Variants in RIN2 observed in about 807,000 individuals in gnomAD.
RIN2 encodes the protein Ras and Rab interactor 2.
Under a neutral mutation model 78.0 loss-of-function variants are expected in RIN2, and 36 were observed. The observed-to-expected ratio is 0.46, with a 90% CI of 0.35 to 0.61. The LOEUF (loss-of-function observed/expected upper bound fraction) is 0.61. Ranked by LOEUF, RIN2 falls within the 20% of genes least tolerant of loss-of-function variation. RIN2 has a pLI of 0.00. For synonymous variants in RIN2, 466 were observed against 466.8 expected (o/e 1.00, Z 0.02); for missense variants, 1,087 against 1,159.7 (o/e 0.94, Z 0.91).
chr20:19,880,274 C>G (rs760657497), intron 2 of RIN2, among the ~76,000 whole-genome samples: 1 of 149,748 alleles, frequency 6.7e-6, no homozygotes, highest in Non-Finnish European at 1.5e-5. Flanking sequence ...AAAAAAATTT[C>G]CAGCATGTTT....
At chr20:19,781,187 C>T (rs2034490743) in intron 1 of RIN2, among the ~76,000 whole-genome samples, 2 of 152,208 alleles carry the variant, frequency 1.3e-5, no homozygotes, top group African/African-American at 4.8e-5. Context: ...GCATATGTCA[C>T]TTCCATCCAT....
intron 1 of RIN2, among the ~76,000 whole-genome samples, chr20:19,768,025 A>G (rs2033962965): frequency 6.6e-6 from 1 of 152,026 alleles, no homozygotes; most frequent in Non-Finnish European, 1.5e-5. Context: ...GAGGGAGGCA[A>G]GAACTGTACC....
intron 1 of RIN2, among the ~76,000 whole-genome samples, chr20:19,780,726 TTCTGGGCAAACTAA>T (rs2034472662): frequency 1.3e-5 from 2 of 152,328 alleles, no homozygotes; most frequent in Admixed American, 6.5e-5. Context: ...AGCTGGGGAT[TTCTGGGCAAACTAA>T]TTAACCTCTC....
At chr20:19,840,803 CAG>C (rs1335450590) in intron 2 of RIN2, among the ~76,000 whole-genome samples, 1 of 152,178 alleles carries the variant, frequency 6.6e-6, no homozygotes, top group Non-Finnish European at 1.5e-5. Flanking sequence ...TCATTATGCT[CAG>C]AGTTATCCAG....
At position 20,000,737 on chromosome 20, in the gene RIN2, A is replaced by T; in HGVS notation, c.2489A>T (p.Asp830Val). 6.2e-7 allele frequency: 1 copy of T among 1,612,928 alleles called. No homozygotes were observed. Among genetic ancestry groups the T allele is most frequent in the Non-Finnish European group, 8.5e-7 (1 of 1,179,680 alleles). Residue 830 changes from aspartate (D) to valine (V), a missense_variant, in exon 13 of 13, where the codon GAC becomes GTC. This residue lies in a region of RIN2 where 160 missense variants were observed against 179.4 expected (regional missense o/e 0.89). Coordinates refer to ENST00000255006, the MANE Select transcript of RIN2 (RefSeq NM_018993.4). ...QICAEKFKVG[D>V]PEEYSLFLFV... The stretch of plus-strand genomic sequence containing the variant: ...TGCGCTGAGAAGTTCAAGGTGGGGG[A>T]CCCTGAGGAGTACAGCCTCTTTCTC...
At chr20:19,777,339 G>T (rs1209335972) in intron 1 of RIN2, among the ~76,000 whole-genome samples, 1 of 152,238 alleles carries the variant, frequency 6.6e-6, no homozygotes, top group Non-Finnish European at 1.5e-5. Flanking sequence ...TTGGAGCAGG[G>T]TCCCACCTAT....
At chr20:19,951,132 G>T (rs1040610405) in intron 4 of RIN2, among the ~76,000 whole-genome samples, 1 of 152,012 alleles carries the variant, frequency 6.6e-6, no homozygotes, top group Non-Finnish European at 1.5e-5. Flanking sequence ...GAGGTCAAGC[G>T]ATCCATACAC....
intron 2 of RIN2, among the ~76,000 whole-genome samples, chr20:19,827,810 CTTTT>C (rs34007899): frequency 1.4e-5 from 2 of 138,390 alleles, no homozygotes; most frequent in Non-Finnish European, 1.6e-5. Flanking sequence ...TTCTTTTTTT[CTTTT>C]TTTTTTTTTT....
At chr20:19,931,709 C>CTTTTTTT (rs57734791) in intron 3 of RIN2, among the ~76,000 whole-genome samples, 2 of 128,130 alleles carry the variant, frequency 1.6e-5, no homozygotes, top group African/African-American at 3.0e-5. Flanking sequence ...CTCGATTTGC[C>CTTTTTTT]TTTTTTTTTT....
intron 2 of RIN2, among the ~76,000 whole-genome samples, chr20:19,828,147 G>A (rs1211864006): frequency 6.6e-6 from 1 of 152,108 alleles, no homozygotes; most frequent in East Asian, 1.9e-4. Flanking sequence ...GGGAACGAGG[G>A]CACTTTTTAT....
chr20:19,770,583 G>A (rs1600409450), intron 1 of RIN2, among the ~76,000 whole-genome samples: 1 of 151,932 alleles, frequency 6.6e-6, no homozygotes, highest in Admixed American at 6.6e-5. Context: ...AGCTGCTTCC[G>A]CTCAGTCACC....
At chr20:19,882,205 A>T (rs2038045867) in intron 2 of RIN2, among the ~76,000 whole-genome samples, 1 of 152,216 alleles carries the variant, frequency 6.6e-6, no homozygotes, top group Non-Finnish European at 1.5e-5. Context: ...CAAAATTCGG[A>T]CATTCCAAAT....
At chr20:19,937,720 T>C (rs150090531) in intron 4 of RIN2, among the ~76,000 whole-genome samples, 236 of 152,364 alleles carry the variant, frequency 1.5e-3, no homozygotes, top group African/African-American at 5.1e-3. Flanking sequence ...TGAAGTCCAG[T>C]GATCAGAATG....
chr20:19,813,876 G>A (rs185715341), intron 2 of RIN2, among the ~76,000 whole-genome samples: 302 of 152,236 alleles, frequency 2.0e-3, no homozygotes, highest in Non-Finnish European at 3.0e-3. Flanking sequence ...ATTATCTGGG[G>A]TGTGGTTTCA....
At chr20:19,984,205 CAT>C in intron 9 of RIN2, among the ~76,000 whole-genome samples, 1 of 152,264 alleles carries the variant, frequency 6.6e-6, no homozygotes, top group East Asian at 1.9e-4. Context: ...TTAATACAAT[CAT>C]GTGTTGTTTA....
chr20:19,817,429 C>T (rs1457921388), intron 2 of RIN2, among the ~76,000 whole-genome samples: 1 of 152,114 alleles, frequency 6.6e-6, no homozygotes, highest in Admixed American at 6.6e-5. Flanking sequence ...ATGAGAGCTT[C>T]ACTCAAGACC....
intron 1 of RIN2, among the ~76,000 whole-genome samples, chr20:19,773,411 C>T (rs2034204453): frequency 1.3e-5 from 2 of 152,222 alleles, no homozygotes; most frequent in South Asian, 4.1e-4. Flanking sequence ...GTGACCAGTG[C>T]ACACAATCAG....
intron 7 of RIN2, among the ~76,000 whole-genome samples, chr20:19,970,171 T>G (rs2042061380): frequency 6.6e-6 from 1 of 152,232 alleles, no homozygotes; most frequent in African/African-American, 2.4e-5. Context: ...TCCAGCAGCA[T>G]CAGCATCCTC....
intron 1 of RIN2, among the ~76,000 whole-genome samples, chr20:19,781,614 G>A (rs1329544554): frequency 6.6e-6 from 1 of 152,126 alleles, no homozygotes; most frequent in East Asian, 1.9e-4. Context: ...TTTTAGTAGA[G>A]ACGGGGTTTC....
Sources: gnomAD v4.1 joint callset for allele counts (sites outside exome capture counted in the v4.1 genomes callset) on GRCh38, gnomAD v4.1.1 for gene constraint, gnomAD v4.1.1 regional missense constraint, MANE v1.5 for transcripts, NCBI Gene and HGNC (gene_info 2026-07-23, HGNC 2026-07-21) for gene names.